The following NDUFA10 variants were observed in gnomAD, a reference collection of about 807,000 sequenced individuals.
NDUFA10 encodes NADH:ubiquinone oxidoreductase subunit A10.
NDUFA10 carries 40 observed loss-of-function variants against 47.8 expected under a neutral mutation model. That is an observed-to-expected ratio of 0.84 (90% CI 0.65 to 1.09). The LOEUF (loss-of-function observed/expected upper bound fraction) is 1.09, where lower values mean the gene tolerates loss of function less well. Ranked by LOEUF, NDUFA10 falls within the 50% of genes least tolerant of loss-of-function variation. NDUFA10 has a pLI of 0.00. For missense variants in NDUFA10, 413 were observed against 451.1 expected (o/e 0.92, Z 0.76); for synonymous variants, 183 against 172.2 (o/e 1.06, Z -0.49).
chr2:239,988,866 ACT>A lies in NDUFA10; in HGVS notation c.999+1206_999+1207del, dbSNP rs897804452. On this transcript the variant is annotated intron_variant, in intron 9 of 9. Transcript: ENST00000252711. ...ACAGAAAGGGAGACACAGCACACACACTCACACACGTGTACAAGGACAGAAAG... is the reference window on the plus strand; with the variant it reads ...ACAGAAAGGGAGACACAGCACACACACACACACGTGTACAAGGACAGAAAG... Among the ~76,000 whole-genome samples, 213 of 151,546 alleles carry A rather than the reference ACT, an allele frequency of 1.4e-3. 2 individuals carry two copies. Among genetic ancestry groups the A allele is most frequent in the African/African-American group, 4.9e-3 (202 of 41,282 alleles).
chr2:239,892,651 G>A (rs1011260096), exon 6 of NDUFA10: 3 of 152,206 alleles, frequency 2.0e-5, no homozygotes, highest in African/African-American at 7.2e-5. Context: ...TGCTGCTCTC[G>A]GTTTCAGGCC....
At chr2:239,949,414 G>T (rs535178746) in intron 4 of NDUFA10, among the ~76,000 whole-genome samples, 8 of 152,194 alleles carry the variant, frequency 5.3e-5, no homozygotes, top group Non-Finnish European at 1.2e-4. Flanking sequence ...GAAGGCAGGC[G>T]GCACTCCCCA....
intron 4 of NDUFA10, among the ~76,000 whole-genome samples, chr2:239,940,610 C>T (rs898044557): frequency 6.6e-6 from 1 of 152,220 alleles, no homozygotes; most frequent in East Asian, 1.9e-4. Context: ...AAAATCATGA[C>T]TCTCATAGAA....
chr2:240,017,857 C>T (rs1697427340), intron 4 of NDUFA10: 8 of 1,571,914 alleles, frequency 5.1e-6, no homozygotes, highest in Admixed American at 3.7e-5. Flanking sequence ...AACAGTACTT[C>T]CTCTGAGCTC....
At chr2:239,916,264 AG>A (rs753818613) in intron 4 of NDUFA10, among the ~76,000 whole-genome samples, 2 of 138,776 alleles carry the variant, frequency 1.4e-5, no homozygotes, top group Non-Finnish European at 3.0e-5. Context: ...ACACACACAC[AG>A]AACACACACA....
At chr2:239,976,411 T>C (rs1695523237) in intron 9 of NDUFA10, 1 of 152,596 alleles carries the variant, frequency 6.6e-6, no homozygotes, top group Non-Finnish European at 1.5e-5. Context: ...GCCATCCTCC[T>C]TCTCCCTCAA....
In NDUFA10 at chr2:240,025,308, C is replaced by G. The variant is rs1230056945; in HGVS notation, c.-7G>C. The G allele has an allele frequency of 6.6e-7, 1 of 1,505,432 alleles. No homozygotes were observed. The highest frequency in any genetic ancestry group is 8.8e-7 in the Non-Finnish European group (1 of 1,130,680). The allele number at this position is 1,505,432 out of a possible 1,614,324, so 93.3% of individuals were successfully genotyped here. A position where few individuals can be genotyped will look rare whatever the true frequency, so the allele number is the denominator to read the frequency against. On this transcript the variant is annotated 5_prime_UTR_variant, in exon 1 of 10. Coordinates refer to ENST00000252711, the MANE Select transcript of NDUFA10 (RefSeq NM_004544.4). Reference sequence around the variant, plus strand: ...TCAGGAGCCGCAAGGCCATGGCTACCCGGTCAGCTCAGGATCAAGGACCCA... The same window carrying G: ...TCAGGAGCCGCAAGGCCATGGCTACGCGGTCAGCTCAGGATCAAGGACCCA...
intron 4 of NDUFA10, among the ~76,000 whole-genome samples, chr2:239,915,342 TACTC>T (rs1488419211): frequency 1.7e-5 from 2 of 114,326 alleles, no homozygotes; most frequent in Non-Finnish European, 1.8e-5. Flanking sequence ...AACGAAGACA[TACTC>T]AGACACACAC....
intron 9 of NDUFA10, chr2:239,982,332 T>G: frequency 7.1e-7 from 1 of 1,408,964 alleles, no homozygotes; most frequent in Non-Finnish European, 9.6e-7. Context: ...CTGAACTCTT[T>G]TCTAAAAAGA....
intron 9 of NDUFA10, among the ~76,000 whole-genome samples, chr2:239,984,369 G>A (rs145743285): frequency 1.3e-5 from 2 of 152,234 alleles, no homozygotes; most frequent in East Asian, 3.9e-4. Context: ...CTACCGTCAC[G>A]GTTTTTCTGT....
At chr2:239,937,575 G>A (rs991102406) in intron 4 of NDUFA10, among the ~76,000 whole-genome samples, 6 of 152,138 alleles carry the variant, frequency 3.9e-5, no homozygotes, top group African/African-American at 7.2e-5. Context: ...ACCACAGTCC[G>A]CTCATCCAGT....
intron 8 of NDUFA10, among the ~76,000 whole-genome samples, chr2:239,992,261 C>T (rs1696282043): frequency 6.6e-6 from 1 of 152,162 alleles, no homozygotes; most frequent in African/African-American, 2.4e-5. Flanking sequence ...TATCATAAGT[C>T]ACTGTCTAAA....
intron 9 of NDUFA10, among the ~76,000 whole-genome samples, chr2:239,978,265 T>C (rs1005894346): frequency 1.3e-5 from 2 of 152,170 alleles, no homozygotes; most frequent in African/African-American, 2.4e-5. Context: ...TAACAAGCTA[T>C]AGAAGATGGA....
chr2:239,937,852 A>G (rs1377876908), intron 4 of NDUFA10, among the ~76,000 whole-genome samples: 1 of 152,164 alleles, frequency 6.6e-6, no homozygotes, highest in East Asian at 1.9e-4. Context: ...TATTACAGCC[A>G]TTCTGGTGGA....
intron 4 of NDUFA10, among the ~76,000 whole-genome samples, chr2:239,915,283 TACAG>T (rs1454543389): frequency 1.5e-5 from 2 of 137,194 alleles, no homozygotes; most frequent in Admixed American, 7.2e-5. Context: ...CACACAAATA[TACAG>T]ACACAGACAG....
At chr2:239,932,891 G>A (rs1445539790) in intron 4 of NDUFA10, among the ~76,000 whole-genome samples, 8 of 152,222 alleles carry the variant, frequency 5.3e-5, no homozygotes, top group Non-Finnish European at 8.8e-5. Context: ...TCTGATCAAA[G>A]TATTTAATGG....
intron 9 of NDUFA10, among the ~76,000 whole-genome samples, chr2:239,972,137 ATGTGTGTG>A (rs4149568): frequency 0.32 from 48,186 of 150,452 alleles, 7,819 homozygotes; most frequent in East Asian, 0.37. Context: ...TTCATGAAGG[ATGTGTGTG>A]TGTGTGTGTG....
At chr2:240,019,269 C>T (rs550155170) in intron 3 of NDUFA10, among the ~76,000 whole-genome samples, 1 of 152,306 alleles carries the variant, frequency 6.6e-6, no homozygotes, top group African/African-American at 2.4e-5. Flanking sequence ...CACAGGCTTC[C>T]CTCCCTGTGG....
At chr2:239,980,504 T>TA (rs1695728726) in intron 9 of NDUFA10, among the ~76,000 whole-genome samples, 1 of 152,192 alleles carries the variant, frequency 6.6e-6, no homozygotes, top group South Asian at 2.1e-4. Context: ...ATTGGGTAAA[T>TA]ACCTATTGAG....
Sources: gnomAD v4.1 joint callset for allele counts (sites outside exome capture counted in the v4.1 genomes callset) on GRCh38, gnomAD v4.1.1 for gene constraint, MANE v1.5 for transcripts, NCBI Gene and HGNC (gene_info 2026-07-23, HGNC 2026-07-21) for gene names.